Variants in GPS1 observed in about 807,000 individuals in gnomAD.
GPS1 encodes the protein COP9 signalosome complex subunit 1.
In GPS1, 11 loss-of-function variants were observed where a neutral mutation model predicts 60.0. The ratio of observed to expected loss-of-function variants is 0.18; its 90% CI spans 0.12 to 0.30. The LOEUF is 0.30. Among genes scored for constraint, GPS1 ranks in the 10% least tolerant of loss-of-function variants. The pLI is 1.00. For missense variants in GPS1, 543 were observed against 669.2 expected (o/e 0.81, Z 2.08); for synonymous variants, 343 against 269.8 (o/e 1.27, Z -2.66).
chr17:82,054,607 C>T lies in GPS1; in HGVS notation c.406C>T (p.Leu136=), dbSNP rs2032069838. 1 of 1,607,748 alleles carries T rather than the reference C, an allele frequency of 6.2e-7. No homozygotes were observed. The highest frequency in any genetic ancestry group is 1.3e-5 in the African/African-American group (1 of 74,984). The change falls in exon 4 of 13, where the codon CTG becomes TTG. Residue 136 remains leucine (L), a synonymous_variant. Coordinates refer to ENST00000578552, the MANE Select transcript of GPS1 (RefSeq NM_001321092.3). ...GGAGGCCACGCGGAAGAAGGCGCTGCTGAAGCTGGAGAAGCTGGACACAGA... is the reference window on the plus strand; with the variant it reads ...GGAGGCCACGCGGAAGAAGGCGCTGTTGAAGCTGGAGAAGCTGGACACAGA... The part of the protein sequence containing the change: ...WVEATRKKAL[L]KLEKLDTDLK...
intron 1 of GPS1, 122 bp downstream of exon 1, chr17:82,052,086 G>A: frequency 4.7e-6 from 4 of 850,546 alleles, no homozygotes; most frequent in Middle Eastern, 4.9e-4. Context: ...CTCCGTGCCG[G>A]GCCTCCGCGG....
chr17:82,051,639 GGGGCCGGGGCGGGGGTCC>G (rs774584429), upstream of GPS1: 931 of 1,098,816 alleles, frequency 8.5e-4, 8 homozygotes, highest in South Asian at 0.017. The surrounding 1 kb of genome is among the most constrained non-coding windows in gnomAD (Gnocchi z 4.1). Context: ...GGGCGCGCGC[GGGGCCGGGGCGGGGGTCC>G]GGGCCGGGGC....
chr17:82,055,707 T>TCCCCCCA, intron 6 of GPS1, 33 bp from the exon 7 acceptor site: 24 of 1,038,616 alleles, frequency 2.3e-5, no homozygotes, highest in Middle Eastern at 2.6e-4. Context: ...TTACCCCCTC[T>TCCCCCCA]CCCCCCTCCC....
chr17:82,055,637 G>T, intron 6 of GPS1, 103 bp from the exon 7 acceptor site: 1 of 756,994 alleles, frequency 1.3e-6, no homozygotes, highest in Admixed American at 2.2e-5. Flanking sequence ...CAGCGAGCCG[G>T]CTGGTGGTCG....
In GPS1 at chr17:82,054,680, G is replaced by T; in HGVS notation, c.479G>T (p.Gly160Val). Residue 160 changes from glycine (G) to valine (V), a missense_variant, in exon 4 of 13, where the codon GGC (glycine) becomes GTC (valine). Around this residue, in one of 3 missense-constraint regions of GPS1, gnomAD observed 71 missense variants for 126.7 expected, o/e 0.56. Coordinates refer to ENST00000578552, the MANE Select transcript of GPS1 (RefSeq NM_001321092.3). ...TCCATCAAAGAGAGCATCCGGCGCG[G>T]CCACGACGACCTGGGCGACCACTAC... The part of the protein sequence containing the change: ...GNSIKESIRR[G>V]HDDLGDHYLD... The T allele has an allele frequency of 6.2e-7, 1 of 1,611,542 alleles. No homozygotes were observed. The highest frequency in any genetic ancestry group is 8.5e-7 in the Non-Finnish European group (1 of 1,179,916).
At position 82,057,319 on chromosome 17, in the gene GPS1, C is replaced by T. The variant is rs1459937137; in HGVS notation, c.*192C>T. The stretch of plus-strand genomic sequence containing the variant: ...TTGTGGCCCTTCCTGGAAGGAGAGG[C>T]CTGCAGGGCTCGACCCTGTGGGTTT... On this transcript the variant is annotated 3_prime_UTR_variant, in exon 13 of 13. Transcript: ENST00000578552. 1.3e-6 allele frequency: 1 copy of T among 778,326 alleles called. No individual in the cohort carries two copies. The highest frequency in any genetic ancestry group is 1.7e-5 in the African/African-American group (1 of 58,554). The allele number at this position is 778,326 out of a possible 1,614,324, so 48.2% of individuals were successfully genotyped here.
At chr17:82,051,426 T>C (rs985753896), upstream of GPS1, 3 of 1,381,612 alleles carry the variant, frequency 2.2e-6, no homozygotes, top group African/African-American at 4.6e-5. This position sits in a 1 kb window ranked among gnomAD's most constrained non-coding sequence, Gnocchi z 4.1. Context: ...TCCGGGGGCC[T>C]GGGCCGGGCC....
At position 82,056,531 on chromosome 17, in the gene GPS1, G is replaced by A. The variant is rs2032814650; in HGVS notation, c.1097G>A (p.Arg366His). 2 of 1,613,016 alleles carry A rather than the reference G, an allele frequency of 1.2e-6. No individual in the cohort carries two copies. Among genetic ancestry groups the A allele is most frequent in the Non-Finnish European group, 1.7e-6 (2 of 1,179,998 alleles). The change falls in exon 10 of 13, where the codon CGC (arginine) becomes CAC (histidine). Residue 366 changes from arginine (R) to histidine (H), a missense_variant. Physicochemically the swap from Arg to His is conservative, Grantham distance 29 (BLOSUM62 0). Coordinates refer to ENST00000578552, the MANE Select transcript of GPS1 (RefSeq NM_001321092.3). ...PHVRTLYTQI[R>H]NRALIQYFSP... ...GTCAGGACCCTGTACACCCAGATTCGCAACCGTGCCCTCATCCAGGTAAGC... is the reference window on the plus strand; with the variant it reads ...GTCAGGACCCTGTACACCCAGATTCACAACCGTGCCCTCATCCAGGTAAGC...
At chr17:82,053,525 C>G in intron 2 of GPS1, 159 bp downstream of exon 2, 1 of 547,778 alleles carries the variant, frequency 1.8e-6, no homozygotes, top group Non-Finnish European at 3.1e-6. Context: ...TGATTGCGCA[C>G]TCACATGAGG....
Position 82,054,712 on chromosome 17 carries a change from T to C in GPS1, c.511T>C (p.Cys171Arg). ...CGACCTGGGCGACCACTACCTGGAC[T>C]GTGGGGACCTCAGCAACGCCCTCAA... ...HDDLGDHYLD[C>R]GDLSNALKCY... The change falls in exon 4 of 13, where the codon TGT becomes CGT. Residue 171 changes from cysteine (C) to arginine (R), a missense_variant. This residue lies in a region of GPS1 where 71 missense variants were observed against 126.7 expected (regional missense o/e 0.56). Coordinates refer to ENST00000578552, the MANE Select transcript of GPS1 (RefSeq NM_001321092.3). The C allele has an allele frequency of 1.2e-6, 2 of 1,612,328 alleles. No homozygotes were observed. The highest frequency in any genetic ancestry group is 1.7e-6 in the Non-Finnish European group (2 of 1,179,946).
At chr17:82,051,277 G>T (rs776844756), upstream of GPS1, 1 of 1,367,822 alleles carries the variant, frequency 7.3e-7, no homozygotes, top group African/African-American at 1.5e-5. The surrounding 1 kb of genome is among the most constrained non-coding windows in gnomAD (Gnocchi z 4.1). Context: ...GGGCGCCGGG[G>T]AGTGGGGGAC....
At position 82,057,097 on chromosome 17, in the gene GPS1, C is replaced by T. The variant is rs769862756; in HGVS notation, c.1434C>T (p.Asn478=). The part of the protein sequence containing the change: ...EGSQGELTPA[N]SQSRMSTNM ...GCCAGGGGGAGCTGACTCCAGCCAA[C>T]AGCCAGTCCCGGATGAGCACCAACA... is the stretch of plus-strand genomic sequence containing the variant. The change falls in exon 13 of 13, where the codon AAC becomes AAT. Residue 478 remains asparagine (N), a synonymous_variant. Coordinates refer to ENST00000578552, the MANE Select transcript of GPS1 (RefSeq NM_001321092.3). 6.3e-7 allele frequency: 1 copy of T among 1,576,252 alleles called. No individual in the cohort carries two copies.
upstream of GPS1, chr17:82,051,649 C>T (rs1411088799): frequency 1.4e-5 from 10 of 720,476 alleles, no homozygotes; most frequent in Admixed American, 4.9e-4. This position sits in a 1 kb window ranked among gnomAD's most constrained non-coding sequence, Gnocchi z 4.1. Flanking sequence ...GGGGCCGGGG[C>T]GGGGGTCCGG....
At chr17:82,055,681 C>T (rs1328407804) in intron 6 of GPS1, 59 bp from the exon 7 acceptor site, 2 of 1,251,064 alleles carry the variant, frequency 1.6e-6, no homozygotes, top group South Asian at 1.3e-5. Context: ...TAGCGGCTTC[C>T]CCAGGCTCTG....
chr17:82,051,282 G>T, upstream of GPS1: 1 of 1,382,832 alleles, frequency 7.2e-7, no homozygotes, highest in Non-Finnish European at 9.4e-7. This position sits in a 1 kb window ranked among gnomAD's most constrained non-coding sequence, Gnocchi z 4.1. Flanking sequence ...CCGGGGAGTG[G>T]GGGACACTCA....
At chr17:82,054,464 T>C (rs1598501287) in intron 3 of GPS1, 46 bp from the exon 4 acceptor site, 1 of 1,449,914 alleles carries the variant, frequency 6.9e-7, no homozygotes, top group Non-Finnish European at 9.1e-7. Flanking sequence ...CCCTCCTCCC[T>C]GGCCCCCGTG....
At chr17:82,051,725 C>G, upstream of GPS1, 1 of 1,056,774 alleles carries the variant, frequency 9.5e-7, no homozygotes, top group South Asian at 4.2e-5. The surrounding 1 kb of genome is among the most constrained non-coding windows in gnomAD (Gnocchi z 4.1). Flanking sequence ...CCGCGGCCAG[C>G]GCGAGGCAGG....
In GPS1 at chr17:82,055,176, T is replaced by C; in HGVS notation, c.702T>C (p.Arg234=). 1 of 1,562,606 alleles carries C rather than the reference T, an allele frequency of 6.4e-7. No individual in the cohort carries two copies. The highest frequency in any genetic ancestry group is 8.7e-7 in the Non-Finnish European group (1 of 1,153,776). The change falls in exon 6 of 13, where the codon CGT becomes CGC. Residue 234 remains arginine, a synonymous_variant. Transcript: ENST00000578552. ...TPEIAEQRGE[R]DSQTQAILTK... ...TCCTCCTACAGCAGCGAGGAGAGCG[T>C]GACAGCCAGACCCAGGCCATCCTCA...
intron 1 of GPS1, 68 bp from the exon 2 acceptor site, chr17:82,053,206 G>C: frequency 7.8e-7 from 1 of 1,281,572 alleles, no homozygotes; most frequent in Non-Finnish European, 1.0e-6. Flanking sequence ...TCAGAGAACA[G>C]TGCGGGTCTC....
Sources: gnomAD v4.1 joint callset for allele counts on GRCh38, gnomAD v4.1.1 for gene constraint, gnomAD v4.1.1 regional missense constraint, Gnocchi (gnomAD v3.1) non-coding constraint, MANE v1.5 for transcripts, NCBI Gene and HGNC (gene_info 2026-07-23, HGNC 2026-07-21) for gene names.